BCAS1: variants seen among roughly 807,000 people sequenced by gnomAD.
BCAS1 encodes the protein brain enriched myelin associated protein 1.
A neutral mutation model predicts 65.4 loss-of-function variants in BCAS1; 46 were observed. The observed-to-expected ratio is 0.70, with a 90% confidence interval of 0.55 to 0.90. BCAS1 has a LOEUF of 0.90. Among genes scored for constraint, BCAS1 ranks in the 40% least tolerant of loss-of-function variants. The pLI is 0.00. For missense variants in BCAS1, 793 were observed against 771.2 expected (o/e 1.03, Z -0.33); for synonymous variants, 298 against 293.5 (o/e 1.02, Z -0.16).
Position 54,009,981 on chromosome 20 carries a change from T to C in BCAS1, c.724-13931A>G, listed in dbSNP as rs142299874. ...GACAGACTAAAGAAGAAAAATCACA[T>C]GATCACAACAGTGAATGCAGAAAAA... is the stretch of plus-strand genomic sequence containing the variant. On this transcript the variant is annotated intron_variant, in intron 4 of 12. Transcript: ENST00000688948. Among the ~76,000 whole-genome samples the C allele has an allele frequency of 2.6e-3, 391 of 152,306 alleles. 2 individuals carry two copies. The highest frequency in any genetic ancestry group is 9.2e-3 in the African/African-American group (384 of 41,592).
At chr20:53,959,954 A>C (rs6097693) in intron 10 of BCAS1, among the ~76,000 whole-genome samples, 3,107 of 152,278 alleles carry the variant, frequency 0.02, 79 homozygotes, top group East Asian at 0.098. Flanking sequence ...CAGCTCTGTC[A>C]GCCTTCCCAT....
At chr20:54,032,092 CG>C (rs1402411611) in intron 3 of BCAS1, among the ~76,000 whole-genome samples, 1 of 151,142 alleles carries the variant, frequency 6.6e-6, no homozygotes, top group Non-Finnish European at 1.5e-5. Flanking sequence ...GTGAAAGGCC[CG>C]GTCACCTAAA....
intron 3 of BCAS1, among the ~76,000 whole-genome samples, chr20:54,043,835 G>A (rs1043567930): frequency 1.3e-5 from 2 of 152,250 alleles, no homozygotes; most frequent in South Asian, 4.1e-4. Flanking sequence ...CTGCTATTGG[G>A]CACTGCTATT....
intron 4 of BCAS1, among the ~76,000 whole-genome samples, chr20:54,019,120 T>A (rs1217794478): frequency 1.3e-5 from 2 of 152,258 alleles, no homozygotes; most frequent in African/African-American, 4.8e-5. Context: ...TGGCTAGTTT[T>A]CAACTTCTGG....
intron 3 of BCAS1, among the ~76,000 whole-genome samples, chr20:54,040,110 C>A (rs1425950661): frequency 6.6e-6 from 1 of 151,390 alleles, no homozygotes; most frequent in Admixed American, 6.6e-5. Flanking sequence ...TTGTTTTTTC[C>A]ATTTCCACTA....
intron 3 of BCAS1, among the ~76,000 whole-genome samples, chr20:54,055,540 G>GGAGATGGGAATTATGGGA (rs2092285076): frequency 6.6e-6 from 1 of 152,002 alleles, no homozygotes; most frequent in Admixed American, 6.6e-5. Context: ...TCTCCCACTG[G>GGAGATGGGAATTATGGGA]GTCCCTCCCA....
At chr20:53,974,592 A>C (rs573739783) in intron 9 of BCAS1, among the ~76,000 whole-genome samples, 6 of 152,202 alleles carry the variant, frequency 3.9e-5, no homozygotes, top group Non-Finnish European at 8.8e-5. Flanking sequence ...GACACCCAGA[A>C]CAAGTTTTGC....
Position 53,996,043 on chromosome 20 carries a change from A to G in BCAS1, c.731T>C (p.Val244Ala). Residue 244 changes from valine (V) to alanine (A), a missense_variant, in exon 5 of 13, where the codon GTT becomes GCT. Coordinates refer to ENST00000688948, the MANE Select transcript of BCAS1 (RefSeq NM_001366298.2). The stretch of plus-strand genomic sequence containing the variant: ...TTGTCCTTCTTTTTCCTTGCCGTCA[A>G]CTATGTCCTAGGGGCAAAACAGTTG... Reference protein sequence around the residue: ...SDDVPAGKDIVDGKEKEGQEL... With the variant: ...SDDVPAGKDIADGKEKEGQEL... The G allele has an allele frequency of 6.2e-7, 1 of 1,601,934 alleles. No homozygotes were observed. Among genetic ancestry groups the G allele is most frequent in the Non-Finnish European group, 8.5e-7 (1 of 1,173,972 alleles).
Position 53,957,468 on chromosome 20 carries a change from G to A in BCAS1, c.1515C>T (p.His505=). ...MSVKGDGGIT[H]SEEINGKDSS... is the part of the protein sequence containing the mutation. ...AGTCTTTCCCATTTATTTCTTCTGA[G>A]TGGGTGATCCCTCCATCCCCTTTCA... Residue 505 remains histidine (H), a synonymous_variant, in exon 11 of 13, where the codon CAC becomes CAT. Transcript: ENST00000688948. 6.2e-7 allele frequency: 1 copy of A among 1,614,154 alleles called. No individual in the cohort carries two copies. The highest frequency in any genetic ancestry group is 2.2e-5 in the East Asian group (1 of 44,890).
At chr20:53,962,423 G>T (rs534664887) in intron 10 of BCAS1, among the ~76,000 whole-genome samples, 1 of 152,306 alleles carries the variant, frequency 6.6e-6, no homozygotes, top group East Asian at 1.9e-4. Flanking sequence ...AAGATATGAG[G>T]AGGAGTAAAT....
At chr20:54,022,636 T>C (rs541529290) in intron 4 of BCAS1, among the ~76,000 whole-genome samples, 1 of 152,322 alleles carries the variant, frequency 6.6e-6, no homozygotes, top group South Asian at 2.1e-4. Context: ...TTAACGCAGG[T>C]AACTTAAGTT....
intron 4 of BCAS1, among the ~76,000 whole-genome samples, chr20:54,026,459 A>G (rs532735713): frequency 2.6e-5 from 4 of 152,186 alleles, no homozygotes; most frequent in African/African-American, 9.7e-5. Context: ...TGGCTATTCT[A>G]TGCTGAACTG....
intron 1 of BCAS1, among the ~76,000 whole-genome samples, chr20:54,059,716 A>G (rs1162432411): frequency 6.6e-6 from 1 of 152,238 alleles, no homozygotes; most frequent in Non-Finnish European, 1.5e-5. Context: ...CTAGGCCACT[A>G]ACTTGCACAG....
chr20:54,019,129 G>GGTTTA (rs2091503094), intron 4 of BCAS1, among the ~76,000 whole-genome samples: 1 of 152,130 alleles, frequency 6.6e-6, no homozygotes, highest in African/African-American at 2.4e-5. Flanking sequence ...TTCAACTTCT[G>GGTTTA]GTTTATGTTT....
chr20:53,978,578 A>G (rs1271771491), intron 8 of BCAS1, among the ~76,000 whole-genome samples: 2 of 152,248 alleles, frequency 1.3e-5, no homozygotes, highest in Non-Finnish European at 2.9e-5. Context: ...TTATAGAATG[A>G]AAACAGGAGA....
Position 54,008,423 on chromosome 20 carries a change from G to C in BCAS1, c.724-12373C>G, listed in dbSNP as rs376689690. Reference sequence around the variant, plus strand: ...TGAGAAGAGACCCAGTGGAGTTAGCGTCAGCCAGTGGTAATGAGACCTCCA... The same window carrying C: ...TGAGAAGAGACCCAGTGGAGTTAGCCTCAGCCAGTGGTAATGAGACCTCCA... On this transcript the variant is annotated intron_variant, in intron 4 of 12. Coordinates refer to ENST00000688948, the MANE Select transcript of BCAS1 (RefSeq NM_001366298.2). Among the ~76,000 whole-genome samples, 65 of 152,278 alleles carry C rather than the reference G, an allele frequency of 4.3e-4. 1 individual carries two copies. The highest frequency in any genetic ancestry group is 4.6e-4 in the Non-Finnish European group (31 of 68,016).
At chr20:54,027,825 T>C (rs2091708638) in intron 4 of BCAS1, among the ~76,000 whole-genome samples, 1 of 150,866 alleles carries the variant, frequency 6.6e-6, no homozygotes, top group Non-Finnish European at 1.5e-5. Context: ...CCAAAACCCC[T>C]AGTTTTTACA....
chr20:53,977,216 C>G (rs1463832987), intron 8 of BCAS1, among the ~76,000 whole-genome samples: 1 of 152,192 alleles, frequency 6.6e-6, no homozygotes, highest in African/African-American at 2.4e-5. Context: ...TATCAGGTCC[C>G]TCCTTTGACA....
chr20:53,994,434 C>T (rs208382), intron 6 of BCAS1, among the ~76,000 whole-genome samples: 10,134 of 152,278 alleles, frequency 0.067, 938 homozygotes, highest in East Asian at 0.47. Context: ...CGTGTCCTAA[C>T]GCCTCTGCAT....
Sources: gnomAD v4.1 joint callset for allele counts (sites outside exome capture counted in the v4.1 genomes callset) on GRCh38, gnomAD v4.1.1 for gene constraint, MANE v1.5 for transcripts, NCBI Gene and HGNC (gene_info 2026-07-23, HGNC 2026-07-21) for gene names.